Variants in DLG2 observed in about 807,000 individuals in gnomAD.
The protein encoded by DLG2 is disks large homolog 2.
DLG2 carries 45 observed loss-of-function variants against 132.5 expected under a neutral mutation model. That is an observed-to-expected ratio of 0.34 (90% CI 0.27 to 0.44). DLG2 has a LOEUF of 0.44. Among genes scored for constraint, DLG2 ranks in the 20% least tolerant of loss-of-function variants. The probability of loss-of-function intolerance (pLI) is 1.00; values close to 1 mark genes in which losing one functional copy is unlikely to be tolerated. For missense variants in DLG2, 1,045 were observed against 1,196.9 expected (o/e 0.87, Z 1.87); for synonymous variants, 424 against 419.6 (o/e 1.01, Z -0.13).
At chr11:85,226,985 A>C (rs2075016467) in intron 4 of DLG2, among the ~76,000 whole-genome samples, 1 of 152,142 alleles carries the variant, frequency 6.6e-6, no homozygotes, top group African/African-American at 2.4e-5. Flanking sequence ...ACAATTAGAC[A>C]TCTTGGCTTC....
chr11:83,601,510 C>CATTTTTTT (rs2058538849), intron 19 of DLG2, among the ~76,000 whole-genome samples: 1 of 94,538 alleles, frequency 1.1e-5, no homozygotes, highest in Non-Finnish European at 1.9e-5. Context: ...ATGTGATGTT[C>CATTTTTTT]TTTTTTTTTT....
intron 24 of DLG2, among the ~76,000 whole-genome samples, chr11:83,470,466 C>G (rs968354419): frequency 6.6e-6 from 1 of 152,092 alleles, no homozygotes; most frequent in Non-Finnish European, 1.5e-5. Flanking sequence ...TATTGACTAT[C>G]ACAAAATGGT....
At chr11:85,138,891 A>G (rs965304134) in intron 5 of DLG2, among the ~76,000 whole-genome samples, 1 of 151,628 alleles carries the variant, frequency 6.6e-6, no homozygotes, top group Non-Finnish European at 1.5e-5. Context: ...ACGAACTAAT[A>G]CATACCCAAA....
chr11:84,958,528 T>C (rs2052031648), intron 6 of DLG2, among the ~76,000 whole-genome samples: 1 of 152,204 alleles, frequency 6.6e-6, no homozygotes, highest in African/African-American at 2.4e-5. Flanking sequence ...TAAGTAAACA[T>C]TAAGCTAATA....
At chr11:85,623,059 C>CA (rs34802509) in intron 2 of DLG2, among the ~76,000 whole-genome samples, 1,679 of 116,026 alleles carry the variant, frequency 0.014, 30 homozygotes, top group African/African-American at 0.043. Flanking sequence ...CTCTGTCTCC[C>CA]AAAAAAAAAA....
At chr11:84,341,260 A>G (rs1335139477) in intron 7 of DLG2, among the ~76,000 whole-genome samples, 1 of 152,156 alleles carries the variant, frequency 6.6e-6, no homozygotes, top group African/African-American at 2.4e-5. Flanking sequence ...GGAGCCTAAT[A>G]TATAATAGTG....
intron 19 of DLG2, among the ~76,000 whole-genome samples, chr11:83,626,331 G>C (rs991860808): frequency 4.6e-5 from 7 of 152,168 alleles, no homozygotes; most frequent in African/African-American, 1.7e-4. Context: ...ATACTATTTG[G>C]ATTGCCTATA....
At position 84,071,605 on chromosome 11, in the gene DLG2, G is replaced by T. The variant is rs576698720; in HGVS notation, c.750-12121C>A. On this transcript the variant is annotated intron_variant, in intron 10 of 27. Coordinates refer to ENST00000376104, the MANE Select transcript of DLG2 (RefSeq NM_001142699.3). The stretch of plus-strand genomic sequence containing the variant: ...TATTGTCAATCACCTAGATTCTGGG[G>T]AAAAAAGTTGTAACTAGTCTTCTTG... 6.6e-5 allele frequency among the ~76,000 whole-genome samples: 10 copies of T among 152,084 alleles called. No homozygotes were observed. The East Asian group carries it at 1.5e-3, about 23-fold the overall frequency.
At chr11:84,878,352 A>G (rs763047037) in intron 6 of DLG2, among the ~76,000 whole-genome samples, 5 of 152,236 alleles carry the variant, frequency 3.3e-5, no homozygotes, top group Non-Finnish European at 5.9e-5. Flanking sequence ...TGTGGCACAT[A>G]TACACCATAG....
At position 84,314,481 on chromosome 11, in the gene DLG2, A is replaced by G. The variant is rs376210214; in HGVS notation, c.520-63190T>C. 4.3e-4 allele frequency among the ~76,000 whole-genome samples: 66 copies of G among 152,250 alleles called. 1 individual carries two copies. In the South Asian group the frequency reaches 0.013, roughly 31 times the overall value. On this transcript the variant is annotated intron_variant, in intron 7 of 27. Transcript: ENST00000376104. Reference sequence around the variant, plus strand: ...TATAGTACTAACACATCTCTATATAATTTAGATATTAGATGTATGCTATGG... The same window carrying G: ...TATAGTACTAACACATCTCTATATAGTTTAGATATTAGATGTATGCTATGG...
chr11:84,858,039 C>G (rs1325064257), intron 6 of DLG2, among the ~76,000 whole-genome samples: 4 of 151,882 alleles, frequency 2.6e-5, no homozygotes, highest in African/African-American at 4.8e-5. Flanking sequence ...ACCACAGGTA[C>G]ATGCCATCAC....
At chr11:85,264,419 T>C (rs1303615755) in intron 4 of DLG2, among the ~76,000 whole-genome samples, 3 of 152,200 alleles carry the variant, frequency 2.0e-5, no homozygotes, top group African/African-American at 4.8e-5. Context: ...GTTTATCTAA[T>C]CTTCCTTCTT....
At chr11:85,099,991 T>C (rs1175897339) in intron 6 of DLG2, among the ~76,000 whole-genome samples, 1 of 152,170 alleles carries the variant, frequency 6.6e-6, no homozygotes, top group Non-Finnish European at 1.5e-5. Context: ...GGAACTCAAG[T>C]AGCCAAAACC....
At chr11:84,971,999 T>C (rs2054162491) in intron 6 of DLG2, among the ~76,000 whole-genome samples, 1 of 152,072 alleles carries the variant, frequency 6.6e-6, no homozygotes, top group South Asian at 2.1e-4. Context: ...AAAATAAACC[T>C]ATGTTTAAGA....
chr11:83,464,812 G>A (rs1699472070), intron 26 of DLG2, among the ~76,000 whole-genome samples: 1 of 143,586 alleles, frequency 7.0e-6, no homozygotes, highest in African/African-American at 2.5e-5. Context: ...CCCACTGAGT[G>A]TTTACAATAT....
chr11:85,385,117 C>A (rs2086219986), intron 3 of DLG2, among the ~76,000 whole-genome samples: 1 of 152,316 alleles, frequency 6.6e-6, no homozygotes, highest in East Asian at 1.9e-4. Context: ...ACTTCTACAA[C>A]TCTTTAGCCT....
intron 3 of DLG2, among the ~76,000 whole-genome samples, chr11:85,318,863 C>T (rs2080864611): frequency 6.6e-6 from 1 of 151,748 alleles, no homozygotes; most frequent in Admixed American, 6.6e-5. Context: ...TCCATGACAA[C>T]TATGGATTCA....
At chr11:85,354,836 A>G (rs1040194395) in intron 3 of DLG2, among the ~76,000 whole-genome samples, 10 of 151,906 alleles carry the variant, frequency 6.6e-5, no homozygotes, top group Admixed American at 5.9e-4. Context: ...GGTCTTCCCC[A>G]CATTTCACAT....
intron 6 of DLG2, among the ~76,000 whole-genome samples, chr11:84,536,581 A>G (rs953273437): frequency 4.6e-5 from 7 of 152,198 alleles, no homozygotes; most frequent in Non-Finnish European, 5.9e-5. Context: ...TACGCCCATT[A>G]TGAGTGGAAT....
Sources: allele counts gnomAD v4.1 joint callset (sites outside exome capture counted in the v4.1 genomes callset), GRCh38; gene constraint gnomAD v4.1.1; transcripts MANE v1.5; gene names NCBI Gene and HGNC (gene_info 2026-07-23, HGNC 2026-07-21).